ZNF536: variants seen among roughly 807,000 people sequenced by gnomAD.
The protein encoded by ZNF536 is zinc finger protein 536.
Under a neutral mutation model 84.5 loss-of-function variants are expected in ZNF536, and 13 were observed. That is an observed-to-expected ratio of 0.15 (90% confidence interval 0.10 to 0.24). The LOEUF is 0.24. Among genes scored for constraint, ZNF536 ranks in the 10% least tolerant of loss-of-function variants. The pLI is 1.00. For missense variants in ZNF536, 1,536 were observed against 1,747.5 expected (o/e 0.88, Z 2.16); for synonymous variants, 811 against 742.5 (o/e 1.09, Z -1.50).
chr19:30,592,178 C>G (rs180997882), intron 1 of ZNF536, among the ~76,000 whole-genome samples: 29 of 152,266 alleles, frequency 1.9e-4, no homozygotes, highest in Admixed American at 4.6e-4. Context: ...CACTATGCAT[C>G]AAATTCTTGC....
chr19:30,310,949 G>T (rs2046481972), intron 2 of ZNF536, among the ~76,000 whole-genome samples: 1 of 152,174 alleles, frequency 6.6e-6, no homozygotes, highest in Non-Finnish European at 1.5e-5. Context: ...GCGACTCAGG[G>T]CCCCGGCTCC....
At chr19:30,620,709 T>C (rs1304417773) in intron 1 of ZNF536, among the ~76,000 whole-genome samples, 1 of 152,218 alleles carries the variant, frequency 6.6e-6, no homozygotes, top group Non-Finnish European at 1.5e-5. Context: ...AACGTGTTCC[T>C]GTCTTATTTT....
chr19:30,496,368 G>A (rs2145207230), intron 2 of ZNF536, among the ~76,000 whole-genome samples: 2 of 152,282 alleles, frequency 1.3e-5, no homozygotes, highest in South Asian at 4.2e-4. Flanking sequence ...AGCAGACATT[G>A]TCACTTCTGG....
intron 1 of ZNF536, among the ~76,000 whole-genome samples, chr19:30,429,789 C>T (rs1415195597): frequency 6.6e-6 from 1 of 152,174 alleles, no homozygotes; most frequent in South Asian, 2.1e-4. Context: ...TGAGTATTTG[C>T]ATGAGCAAGT....
At chr19:30,439,959 C>CTTTTTTTTTTTTTTTTTT (rs199638233) in intron 1 of ZNF536, among the ~76,000 whole-genome samples, 4 of 96,398 alleles carry the variant, frequency 4.1e-5, no homozygotes, top group Non-Finnish European at 2.0e-5. Flanking sequence ...TTCTTTCTTT[C>CTTTTTTTTTTTTTTTTTT]TTTTTTTTTT....
chr19:30,375,992 T>C (rs1282311411), intron 1 of ZNF536, among the ~76,000 whole-genome samples: 4 of 152,148 alleles, frequency 2.6e-5, no homozygotes, highest in Non-Finnish European at 5.9e-5. Context: ...GTGAGAGCCA[T>C]GTGTATATCT....
chr19:30,669,293 G>A (rs1241105960), intron 1 of ZNF536, among the ~76,000 whole-genome samples: 1 of 152,202 alleles, frequency 6.6e-6, no homozygotes, highest in African/African-American at 2.4e-5. Context: ...CCCTAAACTG[G>A]GCATCTGGCA....
chr19:30,464,521 G>A (rs1249890771), intron 2 of ZNF536, among the ~76,000 whole-genome samples: 1 of 152,108 alleles, frequency 6.6e-6, no homozygotes, highest in African/African-American at 2.4e-5. Context: ...GGTTAGGGGA[G>A]TCATGAATTG....
At chr19:30,560,715 C>T (rs114684809), downstream of ZNF536, among the ~76,000 whole-genome samples, 150 of 152,248 alleles carry the variant, frequency 9.9e-4, no homozygotes, top group African/African-American at 3.5e-3. Context: ...TACACATGTT[C>T]GGAAGTGTGT....
chr19:30,327,166 C>A (rs949585068), intron 2 of ZNF536, among the ~76,000 whole-genome samples: 1 of 151,858 alleles, frequency 6.6e-6, no homozygotes, highest in Non-Finnish European at 1.5e-5. Flanking sequence ...GCCTTTTTTC[C>A]CCCTTATGCA....
At chr19:30,539,373 A>G (rs2045234383) in intron 3 of ZNF536, among the ~76,000 whole-genome samples, 1 of 152,176 alleles carries the variant, frequency 6.6e-6, no homozygotes, top group Non-Finnish European at 1.5e-5. Context: ...CGGATTGGAC[A>G]AGGTGCACCC....
At chr19:30,517,112 C>A (rs2044111938) in intron 2 of ZNF536, among the ~76,000 whole-genome samples, 1 of 152,176 alleles carries the variant, frequency 6.6e-6, no homozygotes, top group South Asian at 2.1e-4. Flanking sequence ...AGGTTCTGAG[C>A]ACACGTTTCA....
At chr19:30,686,470 C>T (rs2051187476) in intron 1 of ZNF536, among the ~76,000 whole-genome samples, 1 of 152,180 alleles carries the variant, frequency 6.6e-6, no homozygotes, top group African/African-American at 2.4e-5. Flanking sequence ...ACAATGGAAG[C>T]TGCAGCCCCC....
At chr19:30,627,129 G>T (rs928277920) in intron 1 of ZNF536, among the ~76,000 whole-genome samples, 2 of 152,068 alleles carry the variant, frequency 1.3e-5, no homozygotes, top group East Asian at 1.9e-4. Context: ...CTCCCTGTGG[G>T]TCTGTTTCTG....
chr19:30,687,233 G>A (rs2051226446), intron 1 of ZNF536, among the ~76,000 whole-genome samples: 1 of 152,264 alleles, frequency 6.6e-6, no homozygotes, highest in East Asian at 1.9e-4. Flanking sequence ...CCATCTTGCT[G>A]ACTTGCAAAA....
chr19:30,540,738 G>A (rs2045296996), intron 3 of ZNF536, among the ~76,000 whole-genome samples: 2 of 152,200 alleles, frequency 1.3e-5, no homozygotes, highest in African/African-American at 4.8e-5. Context: ...GTGAATTTCT[G>A]GCTTGTTTTA....
chr19:30,259,271 C>A (rs535268274), intron 1 of ZNF536, among the ~76,000 whole-genome samples: 2 of 152,122 alleles, frequency 1.3e-5, no homozygotes, highest in Non-Finnish European at 2.9e-5. Context: ...AGAGAAAAGA[C>A]CTCACACTCT....
chr19:30,705,716 C>A (rs1159205060), intron 1 of ZNF536, among the ~76,000 whole-genome samples: 5 of 152,168 alleles, frequency 3.3e-5, no homozygotes, highest in African/African-American at 1.2e-4. Flanking sequence ...ACTAGATACA[C>A]TGCAAGATCA....
intron 1 of ZNF536, among the ~76,000 whole-genome samples, chr19:30,643,230 T>C (rs2049330606): frequency 6.6e-6 from 1 of 152,188 alleles, no homozygotes; most frequent in Admixed American, 6.5e-5. Context: ...CCTTGGCTGC[T>C]GAAAATTGTG....
Sources: allele counts gnomAD v4.1 joint callset (sites outside exome capture counted in the v4.1 genomes callset), GRCh38; gene constraint gnomAD v4.1.1; transcripts MANE v1.5; gene names NCBI Gene and HGNC (gene_info 2026-07-23, HGNC 2026-07-21).